RALYL: variants seen among roughly 807,000 people sequenced by gnomAD.
RALYL encodes the protein RALY RNA binding protein like.
A neutral mutation model predicts 35.1 loss-of-function variants in RALYL; 29 were observed. That is an observed-to-expected ratio of 0.83 (90% CI 0.61 to 1.13). The LOEUF is 1.13. RALYL is among the 50% of genes most tolerant of loss of function. RALYL has a pLI of 0.00. For missense variants in RALYL, 359 were observed against 360.4 expected (o/e 1.00, Z 0.03); for synonymous variants, 120 against 127.6 (o/e 0.94, Z 0.40).
At chr8:84,836,983 A>G (rs1231801823) in intron 4 of RALYL, among the ~76,000 whole-genome samples, 1 of 152,216 alleles carries the variant, frequency 6.6e-6, no homozygotes, top group Non-Finnish European at 1.5e-5. Flanking sequence ...TTTCTTGATC[A>G]TCTAGAAATA....
At chr8:84,287,970 A>C (rs1837986789) in intron 1 of RALYL, among the ~76,000 whole-genome samples, 1 of 152,160 alleles carries the variant, frequency 6.6e-6, no homozygotes, top group Non-Finnish European at 1.5e-5. Context: ...CTCAGTCATC[A>C]CAGAGCTGTG....
chr8:84,749,168 T>C (rs912067748), intron 2 of RALYL, among the ~76,000 whole-genome samples: 1 of 152,144 alleles, frequency 6.6e-6, no homozygotes, highest in African/African-American at 2.4e-5. Context: ...CCTTTGATGA[T>C]AGATAATTGG....
chr8:84,215,170 C>T (rs1213085869), intron 1 of RALYL, among the ~76,000 whole-genome samples: 1 of 152,052 alleles, frequency 6.6e-6, no homozygotes, highest in Admixed American at 6.6e-5. Flanking sequence ...TTATCTGATT[C>T]ATGATTCAAA....
chr8:84,756,643 C>T (rs1347079519), intron 2 of RALYL, among the ~76,000 whole-genome samples: 2 of 152,074 alleles, frequency 1.3e-5, no homozygotes, highest in African/African-American at 2.4e-5. Context: ...TGGAGCCCCA[C>T]TCTGAGGAGA....
chr8:84,666,458 G>A (rs920793038), intron 2 of RALYL, among the ~76,000 whole-genome samples: 4 of 152,042 alleles, frequency 2.6e-5, no homozygotes, highest in Non-Finnish European at 5.9e-5. Context: ...TGTACTTATG[G>A]GAGGTTAAAG....
intron 1 of RALYL, among the ~76,000 whole-genome samples, chr8:84,318,180 A>G (rs2130269045): frequency 6.6e-6 from 1 of 151,752 alleles, no homozygotes; most frequent in South Asian, 2.1e-4. Flanking sequence ...GCGTGGCAAC[A>G]GTAGAGTATC....
intron 2 of RALYL, among the ~76,000 whole-genome samples, chr8:84,693,621 C>T (rs959028668): frequency 1.3e-5 from 2 of 151,748 alleles, no homozygotes; most frequent in African/African-American, 4.8e-5. Context: ...TTTTATGAGG[C>T]CAGCATTACT....
intron 1 of RALYL, among the ~76,000 whole-genome samples, chr8:84,487,321 C>A (rs1412081641): frequency 5.9e-5 from 9 of 151,988 alleles, no homozygotes; most frequent in Admixed American, 5.3e-4. Context: ...TCCTACTGTT[C>A]CACCTTTGGT....
chr8:84,435,740 T>C (rs1238433266), intron 1 of RALYL, among the ~76,000 whole-genome samples: 2 of 152,176 alleles, frequency 1.3e-5, no homozygotes, highest in Non-Finnish European at 2.9e-5. Flanking sequence ...CCAGCCTCTC[T>C]TTCCTGAATC....
chr8:84,224,989 G>A (rs1823497904), intron 1 of RALYL, among the ~76,000 whole-genome samples: 1 of 152,150 alleles, frequency 6.6e-6, no homozygotes, highest in Non-Finnish European at 1.5e-5. Flanking sequence ...TTAAGCACAT[G>A]TTGAACTTCA....
intron 1 of RALYL, among the ~76,000 whole-genome samples, chr8:84,225,094 G>A (rs1823530245): frequency 6.6e-6 from 1 of 152,162 alleles, no homozygotes; most frequent in Non-Finnish European, 1.5e-5. Flanking sequence ...CATCCATCCA[G>A]TTGCTCAAGA....
intron 2 of RALYL, among the ~76,000 whole-genome samples, chr8:84,693,741 G>A (rs28828405): frequency 0.31 from 46,277 of 151,572 alleles, 8,106 homozygotes; most frequent in African/African-American, 0.48. Context: ...ATAAAATTCA[G>A]CAACATTTTA....
At chr8:84,771,381 C>T (rs560125131) in intron 2 of RALYL, among the ~76,000 whole-genome samples, 2 of 152,024 alleles carry the variant, frequency 1.3e-5, no homozygotes, top group East Asian at 1.9e-4. Flanking sequence ...TTGTATATAC[C>T]GTATGGTACA....
At chr8:84,467,297 T>G (rs1292475960) in intron 1 of RALYL, among the ~76,000 whole-genome samples, 2 of 151,822 alleles carry the variant, frequency 1.3e-5, no homozygotes, top group Non-Finnish European at 2.9e-5. Flanking sequence ...TAAATTTCCC[T>G]CTACACACTG....
intron 2 of RALYL, among the ~76,000 whole-genome samples, chr8:84,674,747 T>A (rs1280026854): frequency 1.3e-5 from 2 of 152,210 alleles, no homozygotes; most frequent in African/African-American, 4.8e-5. Flanking sequence ...CAATAAAATT[T>A]GATAAAATTT....
At chr8:84,387,258 C>T (rs575986885) in intron 1 of RALYL, among the ~76,000 whole-genome samples, 230 of 151,702 alleles carry the variant, frequency 1.5e-3, no homozygotes, top group South Asian at 6.6e-3. Context: ...ATCTGTAATC[C>T]GTATGTAATG....
At chr8:84,194,487 A>G (rs1814736819) in intron 1 of RALYL, among the ~76,000 whole-genome samples, 1 of 152,216 alleles carries the variant, frequency 6.6e-6, no homozygotes, top group African/African-American at 2.4e-5. Flanking sequence ...TAAATTCTGC[A>G]GTGGATACAG....
At chr8:84,866,285 A>G (rs568194885) in intron 6 of RALYL, among the ~76,000 whole-genome samples, 5 of 152,288 alleles carry the variant, frequency 3.3e-5, no homozygotes, top group South Asian at 2.1e-4. Context: ...TCTGTTCCAT[A>G]GTATACTACC....
intron 1 of RALYL, among the ~76,000 whole-genome samples, chr8:84,506,861 C>A (rs925190635): frequency 1.3e-5 from 2 of 151,930 alleles, no homozygotes; most frequent in African/African-American, 4.8e-5. Context: ...TTCCAGATAA[C>A]AGATATTTTG....
Sources: allele counts gnomAD v4.1 joint callset (sites outside exome capture counted in the v4.1 genomes callset), GRCh38; gene constraint gnomAD v4.1.1; transcripts MANE v1.5; gene names NCBI Gene and HGNC (gene_info 2026-07-23, HGNC 2026-07-21).